The following DAAM1 variants were observed in gnomAD, a reference collection of about 807,000 sequenced individuals.
The protein encoded by DAAM1 is dishevelled associated activator of morphogenesis 1.
Under a neutral mutation model 130.0 loss-of-function variants are expected in DAAM1, and 52 were observed. The ratio of observed to expected loss-of-function variants is 0.40; its 90% confidence interval spans 0.32 to 0.50. The LOEUF is 0.50. Ranked by LOEUF, DAAM1 falls within the 20% of genes least tolerant of loss-of-function variation. The pLI is 0.61. For synonymous variants in DAAM1, 452 were observed against 444.5 expected (o/e 1.02, Z -0.21); for missense variants, 1,134 against 1,303.8 (o/e 0.87, Z 2.01).
At chr14:59,286,685 A>G (rs1883472178) in intron 2 of DAAM1, among the ~76,000 whole-genome samples, 1 of 152,178 alleles carries the variant, frequency 6.6e-6, no homozygotes, top group South Asian at 2.1e-4. Context: ...GTGTTTAAGA[A>G]ATGGATACAT....
intron 17 of DAAM1, among the ~76,000 whole-genome samples, chr14:59,350,587 C>G (rs942023023): frequency 3.3e-5 from 5 of 152,146 alleles, no homozygotes; most frequent in Non-Finnish European, 7.4e-5. Flanking sequence ...TTTCTACCCA[C>G]TCTGCTGCAC....
chr14:59,200,223 A>C (rs1888057058), intron 1 of DAAM1, among the ~76,000 whole-genome samples: 1 of 152,178 alleles, frequency 6.6e-6, no homozygotes, highest in African/African-American at 2.4e-5. Flanking sequence ...TAAGCCCAGC[A>C]GATCTAGTAG....
chr14:59,332,827 T>C (rs919125270), intron 15 of DAAM1, among the ~76,000 whole-genome samples: 1 of 152,110 alleles, frequency 6.6e-6, no homozygotes, highest in Non-Finnish European at 1.5e-5. Flanking sequence ...AGAGGTGGAA[T>C]GATGGAGAGA....
At chr14:59,211,462 G>T (rs1227502834) in intron 1 of DAAM1, among the ~76,000 whole-genome samples, 1 of 152,228 alleles carries the variant, frequency 6.6e-6, no homozygotes, top group Non-Finnish European at 1.5e-5. Context: ...GTTACAAGAG[G>T]ATTCTCTGGA....
chr14:59,328,004 C>T (rs973765568), intron 12 of DAAM1, among the ~76,000 whole-genome samples: 2 of 152,174 alleles, frequency 1.3e-5, no homozygotes, highest in Non-Finnish European at 2.9e-5. Flanking sequence ...AATCATACTG[C>T]CAGCTACCAT....
chr14:59,344,300 T>G (rs1423632753), intron 16 of DAAM1, among the ~76,000 whole-genome samples: 1 of 152,194 alleles, frequency 6.6e-6, no homozygotes, highest in Non-Finnish European at 1.5e-5. Context: ...GCCTGGATGT[T>G]CCAATTCTCT....
chr14:59,291,357 A>G (rs772139188), intron 3 of DAAM1, 51 bp downstream of exon 3: 2 of 1,421,950 alleles, frequency 1.4e-6, no homozygotes, highest in Non-Finnish European at 1.9e-6. Flanking sequence ...CATTGATTCC[A>G]TTTGCTCTTC....
chr14:59,344,656 A>G (rs979119952), intron 16 of DAAM1, among the ~76,000 whole-genome samples: 14 of 152,210 alleles, frequency 9.2e-5, no homozygotes, highest in Non-Finnish European at 1.5e-4. Context: ...GCTAGCCATT[A>G]AAGTCTCCAG....
At chr14:59,191,878 G>A (rs61986014) in intron 1 of DAAM1, among the ~76,000 whole-genome samples, 17,884 of 152,168 alleles carry the variant, frequency 0.12, 1,552 homozygotes, top group African/African-American at 0.25. Context: ...AGGCAGAGCC[G>A]TTCCGTAAAC....
intron 15 of DAAM1, among the ~76,000 whole-genome samples, chr14:59,336,878 A>T (rs1393941887): frequency 6.6e-6 from 1 of 152,174 alleles, no homozygotes; most frequent in Non-Finnish European, 1.5e-5. Flanking sequence ...TACACAACGC[A>T]TTACGTGATT....
intron 1 of DAAM1, among the ~76,000 whole-genome samples, chr14:59,219,080 C>T (rs1271377734): frequency 6.6e-6 from 1 of 152,192 alleles, no homozygotes; most frequent in Non-Finnish European, 1.5e-5. Flanking sequence ...TTTCCATTAA[C>T]TTGAATAATT....
chr14:59,273,189 A>T (rs1003436733), intron 2 of DAAM1, among the ~76,000 whole-genome samples: 3 of 152,222 alleles, frequency 2.0e-5, no homozygotes, highest in African/African-American at 7.2e-5. Context: ...AAAGCTTAAG[A>T]TACGACCATA....
intron 19 of DAAM1, among the ~76,000 whole-genome samples, chr14:59,354,516 T>C (rs1886404608): frequency 6.6e-6 from 1 of 152,186 alleles, no homozygotes; most frequent in African/African-American, 2.4e-5. Flanking sequence ...ACTACGAGGG[T>C]GTTGGTGAGG....
At chr14:59,312,566 A>G (rs569571936) in intron 3 of DAAM1, among the ~76,000 whole-genome samples, 1 of 152,230 alleles carries the variant, frequency 6.6e-6, no homozygotes, top group Non-Finnish European at 1.5e-5. Flanking sequence ...CTACCTCAGT[A>G]AGAAGAAGAA....
chr14:59,253,911 A>C (rs1881755830), intron 1 of DAAM1, among the ~76,000 whole-genome samples: 1 of 152,244 alleles, frequency 6.6e-6, no homozygotes, highest in African/African-American at 2.4e-5. Flanking sequence ...GTTGAAATTA[A>C]GTATATATCT....
Position 59,325,733 on chromosome 14 carries a change from A to G in DAAM1, c.1056+3A>G. 1 of 1,613,764 alleles carries G rather than the reference A, an allele frequency of 6.2e-7. No individual in the cohort carries two copies. The highest frequency in any genetic ancestry group is 8.5e-7 in the Non-Finnish European group (1 of 1,179,702). On this transcript the variant is annotated splice_donor_region_variant and intron_variant, in intron 9 of 24. Transcript: ENST00000360909. ...AATTTGCCAAAAGATTTGAACTGGT[A>G]CGTATGCTTACAATTATTCTGGTTT...
chr14:59,192,348 GA>G (rs1887759206), intron 1 of DAAM1, among the ~76,000 whole-genome samples: 1 of 152,194 alleles, frequency 6.6e-6, no homozygotes, highest in Non-Finnish European at 1.5e-5. Flanking sequence ...GGTCTTGTGT[GA>G]AAACACTTTA....
chr14:59,273,312 T>C (rs1252998), intron 2 of DAAM1, among the ~76,000 whole-genome samples: 21,227 of 152,192 alleles, frequency 0.14, 1,657 homozygotes, highest in Middle Eastern at 0.2. Context: ...ATTAAATATT[T>C]TGTTACCATT....
chr14:59,254,817 T>G (rs1881800808), intron 1 of DAAM1, among the ~76,000 whole-genome samples: 1 of 152,230 alleles, frequency 6.6e-6, no homozygotes, highest in South Asian at 2.1e-4. Flanking sequence ...TGCCAGCTTT[T>G]TAGGATCAAA....
Sources: gnomAD v4.1 joint callset for allele counts (sites outside exome capture counted in the v4.1 genomes callset) on GRCh38, gnomAD v4.1.1 for gene constraint, MANE v1.5 for transcripts, NCBI Gene and HGNC (gene_info 2026-07-23, HGNC 2026-07-21) for gene names.